The following DKK2 variants were observed in gnomAD, a reference collection of about 807,000 sequenced individuals.
DKK2 encodes the protein dickkopf Wnt signaling pathway inhibitor 2, also known as dickkopf-related protein 2.
A neutral mutation model predicts 28.1 loss-of-function variants in DKK2; 11 were observed. The ratio of observed to expected loss-of-function variants is 0.39; its 90% CI spans 0.25 to 0.65. DKK2 has a LOEUF of 0.65. DKK2 is among the 30% of genes least tolerant of loss of function. The pLI, the probability that DKK2 is intolerant of heterozygous loss-of-function variation, is 0.47. For missense variants in DKK2, 326 were observed against 335.5 expected (o/e 0.97, Z 0.22); for synonymous variants, 135 against 126.5 (o/e 1.07, Z -0.45).
rs142747851 is a variant in DKK2, at chr4:106,994,657, T to A, written c.222+40713A>T. Among the ~76,000 whole-genome samples the A allele has an allele frequency of 5.1e-3, 782 of 152,330 alleles. 5 individuals are homozygous for A. Among genetic ancestry groups the A allele is most frequent in the African/African-American group, 0.018 (747 of 41,580 alleles). ...CCAATTCTCTTTTTCTGTTTTACAA[T>A]TCAATAACATAACTGTGTAAGTAAC... On this transcript the variant is annotated intron_variant, in intron 1 of 3. Transcript: ENST00000285311.
At chr4:106,948,477 G>A (rs1413041026) in intron 1 of DKK2, among the ~76,000 whole-genome samples, 1 of 152,164 alleles carries the variant, frequency 6.6e-6, no homozygotes, top group Admixed American at 6.6e-5. Context: ...AAGTCAGCTT[G>A]TAGGGGGTAC....
intron 1 of DKK2, among the ~76,000 whole-genome samples, chr4:107,000,078 G>A (rs1723337620): frequency 6.6e-6 from 1 of 152,092 alleles, no homozygotes. Context: ...ACATTAAGAG[G>A]CCAGAATGTT....
intron 1 of DKK2, among the ~76,000 whole-genome samples, chr4:107,005,070 C>T (rs112454668): frequency 0.02 from 3,099 of 152,150 alleles, 108 homozygotes; most frequent in African/African-American, 0.071. Context: ...TATAAGAGTG[C>T]GGTGGCTCAC....
intron 1 of DKK2, among the ~76,000 whole-genome samples, chr4:106,975,781 GC>G (rs1320736303): frequency 6.6e-6 from 1 of 152,056 alleles, no homozygotes; most frequent in Admixed American, 6.6e-5. Flanking sequence ...TCTTCTGCTA[GC>G]TTTTGACTTT....
intron 1 of DKK2, among the ~76,000 whole-genome samples, chr4:106,994,069 G>A (rs537133491): frequency 2.6e-5 from 4 of 152,106 alleles, no homozygotes; most frequent in South Asian, 2.1e-4. Flanking sequence ...GAAGTAATTC[G>A]GTTTGAAGAA....
At chr4:107,031,833 T>C (rs1723879520) in intron 1 of DKK2, among the ~76,000 whole-genome samples, 1 of 152,004 alleles carries the variant, frequency 6.6e-6, no homozygotes, top group Admixed American at 6.5e-5. Context: ...ATTTTTTTAG[T>C]AGTTTGGGTT....
At chr4:107,013,741 G>A (rs1240340122) in intron 1 of DKK2, among the ~76,000 whole-genome samples, 1 of 151,402 alleles carries the variant, frequency 6.6e-6, no homozygotes, top group Non-Finnish European at 1.5e-5. Flanking sequence ...ACAATGGGGA[G>A]AGCAGAGAGG....
chr4:107,033,844 A>G (rs1156865761), intron 1 of DKK2, among the ~76,000 whole-genome samples: 1 of 152,112 alleles, frequency 6.6e-6, no homozygotes, highest in Non-Finnish European at 1.5e-5. Context: ...GACCATTGCT[A>G]TTGAAAATCC....
chr4:106,941,282 T>C (rs1724695080), intron 1 of DKK2, among the ~76,000 whole-genome samples: 1 of 152,150 alleles, frequency 6.6e-6, no homozygotes, highest in Non-Finnish European at 1.5e-5. Context: ...AAGATCATCA[T>C]GTCTCCCTGA....
intron 1 of DKK2, among the ~76,000 whole-genome samples, chr4:107,019,141 T>A (rs971012885): frequency 6.6e-6 from 1 of 151,990 alleles, no homozygotes; most frequent in African/African-American, 2.4e-5. Flanking sequence ...CACGGCTGTA[T>A]AGAGATGTTA....
chr4:107,002,693 A>C (rs1325271665), intron 1 of DKK2, among the ~76,000 whole-genome samples: 1 of 152,222 alleles, frequency 6.6e-6, no homozygotes, highest in Non-Finnish European at 1.5e-5. Flanking sequence ...ATGTTATTAT[A>C]ATATTCTATC....
At chr4:107,025,140 A>C (rs577027353) in intron 1 of DKK2, among the ~76,000 whole-genome samples, 1 of 152,144 alleles carries the variant, frequency 6.6e-6, no homozygotes, top group Non-Finnish European at 1.5e-5. Flanking sequence ...AGGACTGGGA[A>C]GATGGATATT....
intron 1 of DKK2, among the ~76,000 whole-genome samples, chr4:107,002,202 C>G (rs538178950): frequency 5.3e-5 from 8 of 152,196 alleles, no homozygotes; most frequent in Admixed American, 3.9e-4. Flanking sequence ...GAACTAACTG[C>G]AAGACTGTTT....
intron 1 of DKK2, among the ~76,000 whole-genome samples, chr4:106,953,585 G>A (rs1294270137): frequency 6.6e-6 from 1 of 152,072 alleles, no homozygotes; most frequent in African/African-American, 2.4e-5. Context: ...AGATGAAAAG[G>A]GAAAGCTTTG....
intron 1 of DKK2, among the ~76,000 whole-genome samples, chr4:106,966,660 C>T (rs1722785337): frequency 6.6e-6 from 1 of 152,090 alleles, no homozygotes; most frequent in East Asian, 1.9e-4. Context: ...TCTGAACTAA[C>T]AGCCATTTCA....
At chr4:107,029,589 T>C (rs974473390) in intron 1 of DKK2, among the ~76,000 whole-genome samples, 3 of 152,166 alleles carry the variant, frequency 2.0e-5, no homozygotes, top group Non-Finnish European at 4.4e-5. Context: ...AAGGAAATAA[T>C]ATACCTGAAG....
intron 1 of DKK2, among the ~76,000 whole-genome samples, chr4:106,936,515 G>A (rs28781661): frequency 0.23 from 34,360 of 152,130 alleles, 4,943 homozygotes; most frequent in East Asian, 0.6. Context: ...GGGATGGGGA[G>A]AATGGAACCA....
chr4:107,019,916 T>G (rs1347886463), intron 1 of DKK2, among the ~76,000 whole-genome samples: 2 of 152,054 alleles, frequency 1.3e-5, no homozygotes, highest in Non-Finnish European at 2.9e-5. Context: ...TCCTAAGATA[T>G]TTGAAATAGT....
chr4:106,972,125 C>A lies in DKK2; in HGVS notation c.223-46176G>T, dbSNP rs191673343. Among the ~76,000 whole-genome samples the A allele has an allele frequency of 1.9e-3, 290 of 152,162 alleles. 1 individual carries two copies. The highest frequency in any genetic ancestry group is 0.01 in the Middle Eastern group (3 of 294). ...TCAGTGCAACCTATTGAATGCAATT[C>A]AATGGCTTCAAGGATAATTTACTGT... is the stretch of plus-strand genomic sequence containing the variant. On this transcript the variant is annotated intron_variant, in intron 1 of 3. Coordinates refer to ENST00000285311, the MANE Select transcript of DKK2 (RefSeq NM_014421.3).
Sources: gnomAD v4.1 joint callset for allele counts (sites outside exome capture counted in the v4.1 genomes callset) on GRCh38, gnomAD v4.1.1 for gene constraint, MANE v1.5 for transcripts, NCBI Gene and HGNC (gene_info 2026-07-23, HGNC 2026-07-21) for gene names.